Variants in SATB2 observed in about 807,000 individuals in gnomAD.
SATB2 encodes the protein SATB homeobox 2, also known as DNA-binding protein SATB2.
A neutral mutation model predicts 73.4 loss-of-function variants in SATB2; 1 was observed. That is an observed-to-expected ratio of 0.01 (90% confidence interval 0.00 to 0.06). The LOEUF (loss-of-function observed/expected upper bound fraction) is 0.06. Ranked by LOEUF, SATB2 falls within the 10% of genes least tolerant of loss-of-function variation. The pLI is 1.00. For synonymous variants in SATB2, 397 were observed against 367.0 expected (o/e 1.08, Z -0.93); for missense variants, 459 against 945.8 (o/e 0.49, Z 6.75).
intron 6 of SATB2, among the ~76,000 whole-genome samples, chr2:199,360,882 C>T (rs1689117343): frequency 6.6e-6 from 1 of 152,012 alleles, no homozygotes; most frequent in African/African-American, 2.4e-5. Context: ...TCTGCCAAAG[C>T]CAAGAGCCTC....
chr2:199,376,991 A>G (rs1205425368), intron 5 of SATB2, among the ~76,000 whole-genome samples: 2 of 152,338 alleles, frequency 1.3e-5, no homozygotes, highest in African/African-American at 4.8e-5. Context: ...AGAGATTAAC[A>G]AGGTACATCT....
At position 199,272,802 on chromosome 2, in the gene SATB2, C is replaced by T. The variant is rs1039014538; in HGVS notation, c.1741-130G>A. The T allele has an allele frequency of 1.2e-6, 1 of 844,010 alleles. No homozygotes were observed. The highest frequency in any genetic ancestry group is 1.7e-5 in the African/African-American group (1 of 59,206). 52.3% of individuals were successfully genotyped at this position (844,010 alleles called of 1,614,324 possible). On this transcript the variant is annotated intron_variant, in intron 10 of 10. Coordinates refer to ENST00000417098, the MANE Select transcript of SATB2 (RefSeq NM_001172509.2). The surrounding 1 kb of genome is among the most constrained non-coding windows in gnomAD (Gnocchi z 6.7). ...GCTATAGTCATTTGTAAAGTCAGGT[C>T]TTTGGAAAGCTTAAAAGCATTTCTG...
chr2:199,369,516 AGAT>A (rs945186645), intron 5 of SATB2, among the ~76,000 whole-genome samples: 3 of 152,196 alleles, frequency 2.0e-5, no homozygotes, highest in African/African-American at 7.2e-5. Flanking sequence ...CATTTGTGGC[AGAT>A]GTTAATGTAT....
chr2:199,281,985 CATTCTCCTGCCT>C lies in SATB2; in HGVS notation c.1741-9325_1741-9314del, dbSNP rs1692517661. Among the ~76,000 whole-genome samples, 3 of 151,546 alleles carry C rather than the reference CATTCTCCTGCCT, an allele frequency of 2.0e-5. No individual in the cohort carries two copies. In the South Asian group the frequency reaches 6.2e-4, roughly 32 times the overall value. On this transcript the variant is annotated intron_variant, in intron 10 of 10. Coordinates refer to ENST00000417098, the MANE Select transcript of SATB2 (RefSeq NM_001172509.2). ...CAAGCTCCGCCTCCTGGGTTCATGC[CATTCTCCTGCCT>C]CAGCCTCCCGAGTAGCTGGGACTAC... is the stretch of plus-strand genomic sequence containing the variant.
chr2:199,431,786 C>T (rs1451953490), intron 3 of SATB2, among the ~76,000 whole-genome samples: 1 of 152,160 alleles, frequency 6.6e-6, no homozygotes, highest in Non-Finnish European at 1.5e-5. Context: ...GAGCTCGCGA[C>T]GCGCTGAACG....
intron 3 of SATB2, among the ~76,000 whole-genome samples, chr2:199,386,680 T>G (rs1397034501): frequency 6.7e-6 from 1 of 150,024 alleles, no homozygotes; most frequent in Admixed American, 6.6e-5. Context: ...AGGAAATATT[T>G]CATACACGTG....
chr2:199,379,021 C>T (rs911492622), intron 5 of SATB2, among the ~76,000 whole-genome samples: 12 of 152,182 alleles, frequency 7.9e-5, no homozygotes, highest in Non-Finnish European at 1.5e-4. Context: ...CATTATTTTC[C>T]CTTCAACTTA....
intron 3 of SATB2, among the ~76,000 whole-genome samples, chr2:199,431,655 C>A (rs766541116): frequency 6.6e-6 from 1 of 152,166 alleles, no homozygotes; most frequent in Non-Finnish European, 1.5e-5. Flanking sequence ...GAGTAGAATT[C>A]TTAGTCCAAA....
chr2:199,462,871 G>A (rs1194767125), upstream of SATB2, among the ~76,000 whole-genome samples: 1 of 152,176 alleles, frequency 6.6e-6, no homozygotes, highest in Non-Finnish European at 1.5e-5. This position sits in a 1 kb window ranked among gnomAD's most constrained non-coding sequence, Gnocchi z 5.9. Context: ...TGGGGCTAGT[G>A]GGGCCGACCG....
intron 3 of SATB2, among the ~76,000 whole-genome samples, chr2:199,404,875 A>G (rs909423694): frequency 6.6e-6 from 1 of 152,144 alleles, no homozygotes; most frequent in Non-Finnish European, 1.5e-5. Flanking sequence ...CTTGTAAATA[A>G]CCCCTCCCAG....
At chr2:199,384,876 T>G (rs1431195640) in intron 3 of SATB2, among the ~76,000 whole-genome samples, 4 of 152,256 alleles carry the variant, frequency 2.6e-5, no homozygotes, top group Admixed American at 6.5e-5. Flanking sequence ...TCTTTTGACC[T>G]TTTTAATGTG....
In SATB2 at chr2:199,328,740, G is replaced by C; in HGVS notation, c.1344C>G (p.Val448=). The change falls in exon 8 of 11, where the codon GTC becomes GTG. Residue 448 remains valine (V), a synonymous_variant. Transcript: ENST00000417098. ...ERSMNPNVSM[V]SSASSSPSSS... ...AGCTGGGACTGCTGGAGGCCGAGGA[G>C]ACCATGCTCACATTGGGATTCATGC... The C allele has an allele frequency of 1.9e-6, 3 of 1,613,740 alleles. No homozygotes were observed. The South Asian group carries it at 3.3e-5, about 18-fold the overall frequency.
chr2:199,393,758 C>A (rs1454750059), intron 3 of SATB2, among the ~76,000 whole-genome samples: 5 of 152,242 alleles, frequency 3.3e-5, no homozygotes, highest in Non-Finnish European at 7.4e-5. Context: ...AAATGGCAAG[C>A]ATCCAGCTTT....
chr2:199,350,143 A>G (rs1688771806), intron 6 of SATB2, among the ~76,000 whole-genome samples: 1 of 152,212 alleles, frequency 6.6e-6, no homozygotes, highest in African/African-American at 2.4e-5. Flanking sequence ...AAAGCAAAAA[A>G]TCCATACAAA....
chr2:199,346,815 C>T (rs1022236480), intron 7 of SATB2: 1 of 151,072 alleles, frequency 6.6e-6, no homozygotes, highest in African/African-American at 2.4e-5. Flanking sequence ...ATCCAATTTA[C>T]CAACATTTAT....
chr2:199,355,843 GT>G (rs1259111488), intron 6 of SATB2, among the ~76,000 whole-genome samples: 4 of 152,080 alleles, frequency 2.6e-5, no homozygotes, highest in African/African-American at 9.7e-5. Context: ...AAGAAAAATA[GT>G]TGTTTATATA....
At chr2:199,373,393 T>C (rs962943397) in intron 5 of SATB2, among the ~76,000 whole-genome samples, 3 of 152,174 alleles carry the variant, frequency 2.0e-5, no homozygotes, top group Non-Finnish European at 4.4e-5. Context: ...ATTCATTTAA[T>C]GTCATTTGGC....
intron 8 of SATB2, among the ~76,000 whole-genome samples, chr2:199,327,603 T>C (rs1688067895): frequency 6.6e-6 from 1 of 151,958 alleles, no homozygotes; most frequent in South Asian, 2.1e-4. Flanking sequence ...CAGAAATGAG[T>C]GGGCTTGGAT....
chr2:199,273,651 T>G (rs1692225973), intron 10 of SATB2, among the ~76,000 whole-genome samples: 1 of 152,252 alleles, frequency 6.6e-6, no homozygotes, highest in Non-Finnish European at 1.5e-5. Context: ...CATTTTATAC[T>G]TAACATAGAT....
Sources: gnomAD v4.1 joint callset for allele counts (sites outside exome capture counted in the v4.1 genomes callset) on GRCh38, gnomAD v4.1.1 for gene constraint, Gnocchi (gnomAD v3.1) non-coding constraint, MANE v1.5 for transcripts, NCBI Gene and HGNC (gene_info 2026-07-23, HGNC 2026-07-21) for gene names.